Variants in GNL3L observed in about 807,000 individuals in gnomAD.
GNL3L encodes the protein guanine nucleotide-binding protein-like 3-like protein.
GNL3L carries 4 observed loss-of-function variants against 42.9 expected under a neutral mutation model. The ratio of observed to expected loss-of-function variants is 0.09; its 90% CI spans 0.05 to 0.21. The LOEUF is 0.21. Ranked by LOEUF, GNL3L falls within the 10% of genes least tolerant of loss-of-function variation. The pLI is 1.00. For missense variants in GNL3L, 412 were observed against 481.7 expected, an observed-to-expected ratio of 0.86 and a Z score of 1.36; for synonymous variants, 159 against 176.3, an observed-to-expected ratio of 0.90 and a Z score of 0.78.
intron 16 of GNL3L, among the ~76,000 whole-genome samples, chrX:54,597,975 G>T (rs6614260): frequency 0.36 from 39,768 of 109,705 alleles, 7,870 homozygotes; most frequent in African/African-American, 0.75. Flanking sequence ...CCTTTTCAGT[G>T]CCTGTTTCAG....
In GNL3L at chrX:54,558,670, C is replaced by T; in HGVS notation, c.1666+15C>T. On this transcript the variant is annotated intron_variant, in intron 15 of 15. Coordinates refer to ENST00000360845, the MANE Select transcript of GNL3L (RefSeq NM_001184819.2). ...GAAACGTGCAGGTGGGAGCCCCAGA[C>T]CAACCCTGTGCTCTGAAAGGGGCCC... The T allele has an allele frequency of 6.2e-6, 7 of 1,133,051 alleles. No homozygotes were observed. The highest frequency in any genetic ancestry group is 4.8e-6 in the Non-Finnish European group (4 of 830,107). 93.4% of individuals were successfully genotyped at this position (1,133,051 alleles called of 1,213,427 possible).
chrX:54,630,568 G>C, the GNL3L span, among the ~76,000 whole-genome samples: 7 of 109,512 alleles, frequency 6.4e-5, no homozygotes, highest in African/African-American at 2.3e-4. Context: ...GGTTTTGAGG[G>C]TTCTTTTTGG....
chrX:54,572,546 C>T (rs1370075818), intron 16 of GNL3L, among the ~76,000 whole-genome samples: 10 of 109,834 alleles, frequency 9.1e-5, no homozygotes, highest in East Asian at 3.0e-4. Context: ...GGGTGGTGGC[C>T]GGGCAGAGGG....
intron 15 of GNL3L, among the ~76,000 whole-genome samples, chrX:54,558,951 G>A (rs750024459): frequency 1.7e-4 from 19 of 112,250 alleles, no homozygotes; most frequent in South Asian, 3.7e-4. Flanking sequence ...GCCACTGCAC[G>A]TGGCCCCACC....
the GNL3L span, among the ~76,000 whole-genome samples, chrX:54,639,352 T>C: frequency 8.9e-6 from 1 of 112,032 alleles, no homozygotes; most frequent in Non-Finnish European, 1.9e-5. Context: ...TTTCTTCCGG[T>C]ACCCACTTTC....
chrX:54,588,787 G>A (rs931439668), intron 16 of GNL3L, among the ~76,000 whole-genome samples: 11 of 110,619 alleles, frequency 9.9e-5, no homozygotes, highest in Admixed American at 3.8e-4. Flanking sequence ...ATCGCGCTAC[G>A]GCTCAAAAAA....
Position 54,561,184 on chromosome X carries a change from C to G in GNL3L, c.*582C>G, listed in dbSNP as rs1925259699. 8.9e-6 allele frequency: 1 copy of G among 111,967 alleles called. No homozygotes were observed. Among genetic ancestry groups the G allele is most frequent in the African/African-American group, 3.3e-5 (1 of 30,688 alleles). The allele number at this position is 111,967 out of a possible 1,213,427, so 9.2% of individuals were successfully genotyped here. ...AAATAAAAGAAGTATCAGCAGAGCT[C>G]AGGTGCTAACACCTGTTGAGGGCTG... On this transcript the variant is annotated 3_prime_UTR_variant, in exon 16 of 16. Coordinates refer to ENST00000360845, the MANE Select transcript of GNL3L (RefSeq NM_001184819.2).
chrX:54,622,465 A>G (rs1414843583), downstream of GNL3L, among the ~76,000 whole-genome samples: 1 of 106,620 alleles, frequency 9.4e-6, no homozygotes, highest in African/African-American at 3.4e-5. Context: ...TTGTATTTTT[A>G]GTAGAGATGG....
At chrX:54,645,277 T>C in the GNL3L span, among the ~76,000 whole-genome samples, 1 of 111,918 alleles carries the variant, frequency 8.9e-6, no homozygotes, top group Non-Finnish European at 1.9e-5. Flanking sequence ...GGCTTGCACC[T>C]TTTCTCTGAC....
chrX:54,550,891 TC>T (rs1264869333), intron 9 of GNL3L, 71 bp from the exon 10 acceptor site: 2 of 613,262 alleles, frequency 3.3e-6, no homozygotes, highest in Non-Finnish European at 5.5e-6. Flanking sequence ...TGGCTAGGCC[TC>T]CCTCACACAG....
At chrX:54,532,719 G>T in intron 2 of GNL3L, 134 bp downstream of exon 2, 1 of 574,776 alleles carries the variant, frequency 1.7e-6, no homozygotes, top group Non-Finnish European at 3.0e-6. Flanking sequence ...GGAGTGCAGT[G>T]GTGCAATCTC....
In GNL3L at chrX:54,614,403, C is replaced by T. The variant is rs368333752; in HGVS notation, c.*46-6442C>T. ...TCCCCTGCTTGTGGAGTCTGCACAC[C>T]GGATTTGCGCCCTCCCCTGAGTTCT... On this transcript the variant is annotated intron_variant, in intron 16 of 16. Transcript: ENST00000674498. Among the ~76,000 whole-genome samples, 65 of 111,045 alleles carry T rather than the reference C, an allele frequency of 5.9e-4. 1 individual carries two copies. The East Asian group carries it at 8.3e-3, about 14-fold the overall frequency.
chrX:54,531,111 CAACAT>C (rs1924231445), intron 1 of GNL3L, among the ~76,000 whole-genome samples: 1 of 111,664 alleles, frequency 9.0e-6, no homozygotes, highest in Non-Finnish European at 1.9e-5. Context: ...TCGAAGCACC[CAACAT>C]GCTTCGAAGC....
Position 54,563,692 on chromosome X carries a change from A to T in GNL3L, c.*3090A>T, listed in dbSNP as rs1601993563. 9.5e-6 allele frequency among the ~76,000 whole-genome samples: 1 copy of T among 105,735 alleles called. No individual in the cohort carries two copies. Among genetic ancestry groups the T allele is most frequent in the Non-Finnish European group, 1.9e-5 (1 of 52,800 alleles). 91.8% of individuals were successfully genotyped at this position (105,735 alleles called of 115,157 possible). The stretch of plus-strand genomic sequence containing the variant: ...TCCCAGCTACCTATGGGGCTGAGGC[A>T]GGAGGATCTCTTGAGCCCAGGAGGT... On this transcript the variant is annotated 3_prime_UTR_variant, in exon 16 of 16. Coordinates refer to ENST00000360845, the MANE Select transcript of GNL3L (RefSeq NM_001184819.2).
chrX:54,615,731 G>A (rs868299006), intron 16 of GNL3L, among the ~76,000 whole-genome samples: 5 of 103,952 alleles, frequency 4.8e-5, no homozygotes, highest in African/African-American at 1.8e-4. Flanking sequence ...CTAAGACAGA[G>A]TCTCACTCTG....
chrX:54,590,751 T>A (rs895442464), intron 16 of GNL3L, among the ~76,000 whole-genome samples: 5 of 111,081 alleles, frequency 4.5e-5, no homozygotes, highest in Non-Finnish European at 7.5e-5. Flanking sequence ...TAGTTTGAGG[T>A]CTTAGATTTA....
chrX:54,608,048 G>A (rs766329130), intron 16 of GNL3L, among the ~76,000 whole-genome samples: 3 of 111,496 alleles, frequency 2.7e-5, no homozygotes, highest in Non-Finnish European at 5.7e-5. Context: ...TCAAAAGCAG[G>A]CAAAACAAGA....
intron 16 of GNL3L, among the ~76,000 whole-genome samples, chrX:54,598,332 G>T (rs891764082): frequency 1.8e-5 from 2 of 111,510 alleles, no homozygotes; most frequent in African/African-American, 6.5e-5. Flanking sequence ...AAAAACAAGG[G>T]TCACTTGAGG....
intron 14 of GNL3L, 52 bp from the exon 15 acceptor site, chrX:54,558,384 G>T: frequency 1.1e-6 from 1 of 894,116 alleles, no homozygotes. Context: ...GAAGTCTTTG[G>T]AGGTTCTCTG....
Sources: allele counts gnomAD v4.1 joint callset (sites outside exome capture counted in the v4.1 genomes callset), GRCh38; gene constraint gnomAD v4.1.1; transcripts MANE v1.5; gene names NCBI Gene and HGNC (gene_info 2026-07-23, HGNC 2026-07-21).